Variants in KIAA1549 observed in about 807,000 individuals in gnomAD.
KIAA1549 encodes UPF0606 protein KIAA1549.
A neutral mutation model predicts 156.4 loss-of-function variants in KIAA1549; 70 were observed. The ratio of observed to expected loss-of-function variants is 0.45; its 90% CI spans 0.37 to 0.55. The LOEUF is 0.55. Among genes scored for constraint, KIAA1549 ranks in the 20% least tolerant of loss-of-function variants. The pLI is 0.00. For missense variants in KIAA1549, 2,428 were observed against 2,540.9 expected (o/e 0.96, Z 0.96); for synonymous variants, 1,103 against 1,066.4 (o/e 1.03, Z -0.67).
At position 138,861,418 on chromosome 7, in the gene KIAA1549, G is replaced by A; in HGVS notation, c.4968C>T (p.Ser1656=). Residue 1656 remains serine (S), a synonymous_variant, in exon 16 of 20, where the codon TCC becomes TCT. Coordinates refer to ENST00000422774, the MANE Select transcript of KIAA1549 (RefSeq NM_001164665.2). The part of the protein sequence containing the change: ...PDLPADVQTP[S]SVELGRYPAL... The stretch of plus-strand genomic sequence containing the variant: ...CTGGATACCTCCCCAGTTCCACCGA[G>A]GATGGTGTCTGCACATCGGCTGGGA... 1 of 1,612,590 alleles carries A rather than the reference G, an allele frequency of 6.2e-7. No individual in the cohort carries two copies. The highest frequency in any genetic ancestry group is 1.1e-5 in the South Asian group (1 of 90,722).
intron 1 of KIAA1549, among the ~76,000 whole-genome samples, chr7:138,929,857 T>C (rs1812823033): frequency 6.6e-6 from 1 of 152,156 alleles, no homozygotes; most frequent in Non-Finnish European, 1.5e-5. Flanking sequence ...TGCCCAGCTA[T>C]TTATTTTATC....
At chr7:138,965,210 G>C (rs916947666) in intron 1 of KIAA1549, among the ~76,000 whole-genome samples, 1 of 152,146 alleles carries the variant, frequency 6.6e-6, no homozygotes, top group Non-Finnish European at 1.5e-5. Flanking sequence ...CAACTGTGTC[G>C]ATCGTATCTG....
At chr7:138,966,048 C>G (rs1299523742) in intron 1 of KIAA1549, among the ~76,000 whole-genome samples, 3 of 152,136 alleles carry the variant, frequency 2.0e-5, no homozygotes, top group African/African-American at 2.4e-5. Flanking sequence ...ACTGTTCCCC[C>G]CAATACCTGC....
At chr7:138,839,020 CA>C (rs1421633471) in intron 19 of KIAA1549, among the ~76,000 whole-genome samples, 5 of 152,088 alleles carry the variant, frequency 3.3e-5, no homozygotes, top group Non-Finnish European at 7.4e-5. Flanking sequence ...AAAAACAAAA[CA>C]CCAAAACCAA....
intron 1 of KIAA1549, among the ~76,000 whole-genome samples, chr7:138,955,333 A>T (rs1244050409): frequency 6.6e-6 from 1 of 152,240 alleles, no homozygotes; most frequent in Non-Finnish European, 1.5e-5. Context: ...TCTGACACAC[A>T]CTACAACACA....
At position 138,908,882 on chromosome 7, in the gene KIAA1549, G is replaced by A. The variant is rs146818729; in HGVS notation, c.3276+109C>T. 246 of 1,320,414 alleles carry A rather than the reference G, an allele frequency of 1.9e-4. 1 individual carries two copies. The African/African-American group carries it at 3.3e-3, about 18-fold the overall frequency. The allele number at this position is 1,320,414 out of a possible 1,614,324, so 81.8% of individuals were successfully genotyped here. ...AGATCAATCCCGACTCACATAAACTGGGTTTCCGCCACTGGAGGGAATAAG... is the reference window on the plus strand; with the variant it reads ...AGATCAATCCCGACTCACATAAACTAGGTTTCCGCCACTGGAGGGAATAAG... On this transcript the variant is annotated intron_variant, in intron 5 of 19. Transcript: ENST00000422774.
intron 15 of KIAA1549, among the ~76,000 whole-genome samples, chr7:138,866,605 T>G (rs536001597): frequency 7.0e-4 from 107 of 152,328 alleles, no homozygotes; most frequent in Middle Eastern, 3.4e-3. Context: ...TTCCCAGTGC[T>G]GCCGGAGTTA....
intron 16 of KIAA1549, among the ~76,000 whole-genome samples, chr7:138,859,846 T>C (rs913707513): frequency 2.0e-5 from 3 of 152,212 alleles, no homozygotes; most frequent in African/African-American, 7.2e-5. Context: ...TCCCATACAC[T>C]TTAATTTCTG....
chr7:138,867,918 C>A, intron 15 of KIAA1549, 57 bp downstream of exon 15: 1 of 1,581,870 alleles, frequency 6.3e-7, no homozygotes, highest in South Asian at 1.1e-5. Context: ...CCTTTCAGCG[C>A]ATCTTTCTAG....
At chr7:138,903,899 T>C (rs945379790) in intron 7 of KIAA1549, among the ~76,000 whole-genome samples, 163 bp from the exon 8 acceptor site, 2 of 144,842 alleles carry the variant, frequency 1.4e-5, no homozygotes. Flanking sequence ...AATGCAAGAT[T>C]GCCATAAAAT....
intron 10 of KIAA1549, among the ~76,000 whole-genome samples, chr7:138,883,089 TAAAAAAAAAAAAAA>T (rs1201752539): frequency 4.2e-5 from 2 of 47,064 alleles, no homozygotes; most frequent in Non-Finnish European, 7.7e-5. Context: ...CCATCTCCCC[TAAAAAAAAAAAAAA>T]AAAAAAAAAA....
At chr7:138,958,024 T>C (rs1238778153) in intron 1 of KIAA1549, among the ~76,000 whole-genome samples, 2 of 152,254 alleles carry the variant, frequency 1.3e-5, no homozygotes, top group African/African-American at 2.4e-5. Context: ...CTTGTACTCA[T>C]GCATCTACGT....
intron 1 of KIAA1549, among the ~76,000 whole-genome samples, chr7:138,946,046 C>T (rs1417836108): frequency 6.6e-6 from 1 of 151,952 alleles, no homozygotes; most frequent in Non-Finnish European, 1.5e-5. Context: ...CTCCCTCTTT[C>T]CCCACCCCTA....
chr7:138,908,890 G>A (rs183993951), intron 5 of KIAA1549, 101 bp downstream of exon 5: 119 of 1,433,070 alleles, frequency 8.3e-5, no homozygotes, highest in Admixed American at 7.6e-4. Context: ...CTGGGTTTCC[G>A]CCACTGGAGG....
chr7:138,907,126 GC>G lies in KIAA1549; in HGVS notation c.3277-25del, dbSNP rs373823122. On this transcript the variant is annotated intron_variant, in intron 5 of 19. Coordinates refer to ENST00000422774, the MANE Select transcript of KIAA1549 (RefSeq NM_001164665.2). ...ATCTGAAAGAATAAAGTCAGAATAA[GC>G]TTCTATAATAAAACATTCTGCTGAA... 4.7e-4 allele frequency: 708 copies of G among 1,515,994 alleles called. 9 individuals are homozygous for G. The African/African-American group carries it at 8.6e-3, about 18-fold the overall frequency. The allele number at this position is 1,515,994 out of a possible 1,614,324, so 93.9% of individuals were successfully genotyped here.
At chr7:138,879,772 C>T (rs1811191870) in intron 11 of KIAA1549, 119 bp from the exon 12 acceptor site, 2 of 648,794 alleles carry the variant, frequency 3.1e-6, no homozygotes, top group South Asian at 3.8e-5. Flanking sequence ...ATGAAACGGT[C>T]CAAAAAATTA....
intron 10 of KIAA1549, among the ~76,000 whole-genome samples, chr7:138,882,350 A>T (rs987802196): frequency 1.3e-5 from 2 of 152,258 alleles, no homozygotes; most frequent in Middle Eastern, 3.2e-3. Context: ...TGAGGACGTG[A>T]ATTTCACGTG....
chr7:138,846,699 T>TCAAG (rs1368826884), intron 17 of KIAA1549, among the ~76,000 whole-genome samples: 1 of 152,108 alleles, frequency 6.6e-6, no homozygotes, highest in African/African-American at 2.4e-5. Flanking sequence ...CAAAAGGGTC[T>TCAAG]CAAGCACCCT....
intron 1 of KIAA1549, among the ~76,000 whole-genome samples, chr7:138,980,108 G>C (rs969794008): frequency 6.6e-6 from 1 of 152,164 alleles, no homozygotes; most frequent in Non-Finnish European, 1.5e-5. Flanking sequence ...AGGAGGATTC[G>C]GAGCAGCGTT....
Sources: gnomAD v4.1 joint callset for allele counts (sites outside exome capture counted in the v4.1 genomes callset) on GRCh38, gnomAD v4.1.1 for gene constraint, MANE v1.5 for transcripts, NCBI Gene and HGNC (gene_info 2026-07-23, HGNC 2026-07-21) for gene names.